RGS6: variants seen among roughly 807,000 people sequenced by gnomAD.
RGS6 encodes the protein regulator of G-protein signaling 6.
Under a neutral mutation model 78.5 loss-of-function variants are expected in RGS6, and 30 were observed. The observed-to-expected ratio is 0.38, with a 90% CI of 0.29 to 0.52. The LOEUF is 0.52. Ranked by LOEUF, RGS6 falls within the 20% of genes least tolerant of loss-of-function variation. The pLI is 0.85. For synonymous variants in RGS6, 206 were observed against 206.0 expected (o/e 1.00, Z 0.00); for missense variants, 495 against 609.7 (o/e 0.81, Z 1.98).
chr14:72,317,670 A>C (rs2070693877), intron 2 of RGS6, among the ~76,000 whole-genome samples: 1 of 152,226 alleles, frequency 6.6e-6, no homozygotes. Flanking sequence ...AAATGGAAAG[A>C]AAACCGAGTC....
the RGS6 span, among the ~76,000 whole-genome samples, chr14:72,578,839 T>A: frequency 2.6e-5 from 4 of 152,302 alleles, no homozygotes; most frequent in African/African-American, 9.6e-5. Flanking sequence ...TGGACACTGA[T>A]GAAAGGGATG....
intron 2 of RGS6, among the ~76,000 whole-genome samples, chr14:72,293,716 C>T (rs2064113248): frequency 6.6e-6 from 1 of 152,194 alleles, no homozygotes; most frequent in Non-Finnish European, 1.5e-5. Context: ...AGACTCATTT[C>T]ATTATTTTGG....
intron 17 of RGS6, among the ~76,000 whole-genome samples, chr14:72,560,107 AT>A (rs11446983): frequency 0.011 from 1,672 of 150,406 alleles, 36 homozygotes; most frequent in African/African-American, 0.039. Flanking sequence ...AGCTTGAGTG[AT>A]TTTTTTTTTC....
At chr14:71,932,071 C>A (rs2087907835), upstream of RGS6, among the ~76,000 whole-genome samples, 1 of 152,240 alleles carries the variant, frequency 6.6e-6, no homozygotes, top group African/African-American at 2.4e-5. Context: ...CTTGACGCCG[C>A]TGAAGTTTCC....
intron 2 of RGS6, among the ~76,000 whole-genome samples, chr14:72,028,145 C>T (rs894894894): frequency 1.2e-4 from 18 of 152,200 alleles, no homozygotes; most frequent in African/African-American, 3.6e-4. Flanking sequence ...TCTGAAAACA[C>T]GAACTTCTAT....
At chr14:72,567,277 A>G (rs1277823400), downstream of RGS6, among the ~76,000 whole-genome samples, 1 of 152,144 alleles carries the variant, frequency 6.6e-6, no homozygotes, top group East Asian at 1.9e-4. Context: ...ATCAAGTCAC[A>G]TCTGCCTCAG....
intron 3 of RGS6, among the ~76,000 whole-genome samples, chr14:72,410,121 T>A (rs1699167784): frequency 6.6e-6 from 1 of 152,232 alleles, no homozygotes; most frequent in Admixed American, 6.5e-5. Flanking sequence ...TAGTTCTACA[T>A]CCCTGAGGAA....
intron 2 of RGS6, among the ~76,000 whole-genome samples, chr14:72,197,686 T>C (rs1464470957): frequency 6.6e-6 from 1 of 152,182 alleles, no homozygotes; most frequent in Non-Finnish European, 1.5e-5. Context: ...TCAGAAGACA[T>C]GGCATCTCGG....
intron 2 of RGS6, among the ~76,000 whole-genome samples, chr14:72,181,730 T>A (rs1352102671): frequency 6.6e-6 from 1 of 152,248 alleles, no homozygotes; most frequent in Non-Finnish European, 1.5e-5. Context: ...CCTTGAATAC[T>A]AGTAAGCTGT....
chr14:72,390,864 T>C (rs2089786869), intron 3 of RGS6, among the ~76,000 whole-genome samples: 1 of 152,188 alleles, frequency 6.6e-6, no homozygotes, highest in African/African-American at 2.4e-5. Flanking sequence ...AGCCAGGTTT[T>C]CTGGCTTTTA....
At chr14:72,390,090 C>CA in intron 3 of RGS6, among the ~76,000 whole-genome samples, 1 of 117,392 alleles carries the variant, frequency 8.5e-6, no homozygotes, top group African/African-American at 3.3e-5. Flanking sequence ...AGCTATAGTT[C>CA]TTTTTTTTTT....
chr14:72,205,791 A>G (rs2042571633), intron 2 of RGS6, among the ~76,000 whole-genome samples: 1 of 152,252 alleles, frequency 6.6e-6, no homozygotes, highest in Non-Finnish European at 1.5e-5. Context: ...TGTTTTCTAA[A>G]GTGTGTTCTG....
Position 72,194,846 on chromosome 14 carries a change from GCCAGGTTTTGGGCCCTAAGT to G in RGS6, c.85-157248_85-157229del, listed in dbSNP as rs199718107. On this transcript the variant is annotated intron_variant, in intron 2 of 17. Coordinates refer to ENST00000553525, the MANE Select transcript of RGS6 (RefSeq NM_001204424.2). ...CCAAGGTGGGTGTTCTTAAAAGGTC[GCCAGGTTTTGGGCCCTAAGT>G]AGTTAGATGGAAGCTAATACTACTA... Among the ~76,000 whole-genome samples, 182 of 152,268 alleles carry G rather than the reference GCCAGGTTTTGGGCCCTAAGT, an allele frequency of 1.2e-3. 4 individuals are homozygous for G. The South Asian group carries it at 0.026, about 22-fold the overall frequency.
intron 2 of RGS6, among the ~76,000 whole-genome samples, chr14:72,110,460 A>G (rs1319277290): frequency 6.6e-6 from 1 of 152,160 alleles, no homozygotes; most frequent in Admixed American, 6.6e-5. Flanking sequence ...AGGAGAGGAG[A>G]GAAGCATCCT....
At chr14:72,353,336 C>T (rs892758309) in intron 3 of RGS6, among the ~76,000 whole-genome samples, 6 of 152,206 alleles carry the variant, frequency 3.9e-5, no homozygotes, top group Non-Finnish European at 5.9e-5. Flanking sequence ...AAATGTCCTT[C>T]AGTGAACGGG....
At chr14:72,290,068 T>G (rs1299323194) in intron 2 of RGS6, among the ~76,000 whole-genome samples, 1 of 152,354 alleles carries the variant, frequency 6.6e-6, no homozygotes, top group East Asian at 1.9e-4. Flanking sequence ...AAGTTCATTT[T>G]GGCATGGTGA....
chr14:72,179,367 G>A (rs1005194953), intron 2 of RGS6, among the ~76,000 whole-genome samples: 10 of 152,120 alleles, frequency 6.6e-5, no homozygotes, highest in East Asian at 1.9e-4. Flanking sequence ...ATTTCTAGCC[G>A]GTCTCCCTGA....
the RGS6 span, among the ~76,000 whole-genome samples, chr14:72,606,038 G>A: frequency 1.3e-5 from 2 of 152,082 alleles, no homozygotes; most frequent in Non-Finnish European, 2.9e-5. Flanking sequence ...TGTCCCCCGA[G>A]ACCTCTGGGC....
At chr14:72,128,895 G>A (rs1487463026) in intron 2 of RGS6, among the ~76,000 whole-genome samples, 4 of 152,188 alleles carry the variant, frequency 2.6e-5, no homozygotes, top group Non-Finnish European at 4.4e-5. Context: ...GGCAGATGCC[G>A]TCAGTACTGG....
Sources: allele counts gnomAD v4.1 joint callset (sites outside exome capture counted in the v4.1 genomes callset), GRCh38; gene constraint gnomAD v4.1.1; transcripts MANE v1.5; gene names NCBI Gene and HGNC (gene_info 2026-07-23, HGNC 2026-07-21).